PDE10A: variants seen among roughly 807,000 people sequenced by gnomAD.
PDE10A encodes the protein cAMP and cAMP-inhibited cGMP 3',5'-cyclic phosphodiesterase 10A.
PDE10A carries 39 observed loss-of-function variants against 97.7 expected under a neutral mutation model. That is an observed-to-expected ratio of 0.40 (90% CI 0.31 to 0.52). The LOEUF is 0.52. Among genes scored for constraint, PDE10A ranks in the 20% least tolerant of loss-of-function variants. The pLI, the probability that PDE10A is intolerant of heterozygous loss-of-function variation, is 0.56. For missense variants in PDE10A, 731 were observed against 1,047.8 expected, an observed-to-expected ratio of 0.70 and a Z score of 4.17; for synonymous variants, 371 against 376.8, an observed-to-expected ratio of 0.98 and a Z score of 0.18.
intron 1 of PDE10A, among the ~76,000 whole-genome samples, chr6:165,687,348 G>C (rs1303737896): frequency 6.6e-6 from 1 of 152,192 alleles, no homozygotes; most frequent in Admixed American, 6.5e-5. Context: ...AGCTACAGAC[G>C]GTTCCTTAAC....
At chr6:165,505,540 C>G (rs866159443) in intron 2 of PDE10A, among the ~76,000 whole-genome samples, 15 of 152,178 alleles carry the variant, frequency 9.9e-5, no homozygotes, top group Middle Eastern at 3.4e-3. Flanking sequence ...AAATATGCAG[C>G]TAGGTCACTA....
In PDE10A at chr6:165,655,498, C is replaced by T. The variant is rs1340620801; in HGVS notation, c.865+6449G>A. ...ATTCCTCTCTCTCCCTTGACGTCCC[C>T]ATATCCAACCCACCTGCAGGTCTTA... On this transcript the variant is annotated intron_variant, in intron 1 of 21. Transcript: ENST00000539869. The surrounding 1 kb of genome is among the most constrained non-coding windows in gnomAD (Gnocchi z 4.5). Among the ~76,000 whole-genome samples the T allele has an allele frequency of 1.4e-5, 2 of 142,988 alleles. No homozygotes were observed. Among genetic ancestry groups the T allele is most frequent in the Admixed American group, 7.1e-5 (1 of 14,006 alleles). 93.8% of individuals were successfully genotyped at this position (142,988 alleles called of 152,430 possible). A position where few individuals can be genotyped will look rare whatever the true frequency, so the allele number is the denominator to read the frequency against.
At chr6:165,833,522 A>G (rs1779983553) in intron 1 of PDE10A, among the ~76,000 whole-genome samples, 1 of 152,198 alleles carries the variant, frequency 6.6e-6, no homozygotes, top group South Asian at 2.1e-4. Context: ...AAGAAGTGAC[A>G]CCACCTGTGC....
intron 1 of PDE10A, among the ~76,000 whole-genome samples, chr6:165,893,328 T>C (rs1781854226): frequency 6.6e-6 from 1 of 152,226 alleles, no homozygotes; most frequent in Admixed American, 6.5e-5. Context: ...TTGGCTTTCC[T>C]AGAAAAGTTG....
At chr6:165,600,794 A>G (rs1456606660) in intron 1 of PDE10A, among the ~76,000 whole-genome samples, 1 of 152,206 alleles carries the variant, frequency 6.6e-6, no homozygotes, top group Non-Finnish European at 1.5e-5. Context: ...GACCTGAAGG[A>G]CCTGCTAAAC....
intron 2 of PDE10A, among the ~76,000 whole-genome samples, chr6:165,494,109 C>G (rs1432507653): frequency 6.6e-6 from 1 of 151,928 alleles, no homozygotes; most frequent in Admixed American, 6.6e-5. Flanking sequence ...AAATCAAAAC[C>G]ACAATGAGAT....
intron 1 of PDE10A, among the ~76,000 whole-genome samples, chr6:165,583,605 G>A (rs1785736933): frequency 6.6e-6 from 1 of 152,202 alleles, no homozygotes; most frequent in Non-Finnish European, 1.5e-5. Context: ...CCACGATCAT[G>A]GAATTCACTG....
chr6:165,590,181 T>A (rs3008003), intron 1 of PDE10A, among the ~76,000 whole-genome samples: 91,283 of 151,714 alleles, frequency 0.6, 31,868 homozygotes, highest in Non-Finnish European at 0.78. Context: ...GAGGGCAGGT[T>A]ATACTGATTT....
intron 1 of PDE10A, among the ~76,000 whole-genome samples, chr6:165,583,824 GA>G (rs1176389004): frequency 6.6e-6 from 1 of 152,142 alleles, no homozygotes; most frequent in East Asian, 1.9e-4. Context: ...GGGTGGGGAG[GA>G]ATAGGAATGG....
At chr6:165,344,059 G>T (rs1003340166) in intron 18 of PDE10A, among the ~76,000 whole-genome samples, 1 of 152,150 alleles carries the variant, frequency 6.6e-6, no homozygotes, top group Non-Finnish European at 1.5e-5. Flanking sequence ...TCCAAACACT[G>T]TGCTTCTCAT....
At chr6:165,369,881 C>T (rs1182337135) in intron 18 of PDE10A, among the ~76,000 whole-genome samples, 2 of 151,736 alleles carry the variant, frequency 1.3e-5, no homozygotes, top group Admixed American at 6.6e-5. Context: ...GCAAATCTCT[C>T]GGCAGAAACC....
At chr6:165,691,541 T>C (rs1283350645) in intron 1 of PDE10A, among the ~76,000 whole-genome samples, 2 of 151,010 alleles carry the variant, frequency 1.3e-5, no homozygotes, top group African/African-American at 4.9e-5. Flanking sequence ...TCTTCATCAT[T>C]AAGTGATGTG....
chr6:165,704,158 G>A (rs1288971827), intron 1 of PDE10A, among the ~76,000 whole-genome samples: 1 of 152,184 alleles, frequency 6.6e-6, no homozygotes, highest in Non-Finnish European at 1.5e-5. Flanking sequence ...CAGGCTCCGG[G>A]CCAGCAAAAA....
rs572169617 is a variant in PDE10A, at chr6:165,970,849, GA to G, written c.-615+16679del. On this transcript the variant is annotated intron_variant, in intron 1 of 19. Transcript: ENST00000366882. ...AATTGGACCCCATTATTCTGATAAT[GA>G]AAAAAAAATTTTTCAGCCTGGCTCA... is the stretch of plus-strand genomic sequence containing the variant. Among the ~76,000 whole-genome samples, 96 of 151,866 alleles carry G rather than the reference GA, an allele frequency of 6.3e-4. 1 individual carries two copies. The highest frequency in any genetic ancestry group is 4.4e-3 in the South Asian group (21 of 4,808).
At chr6:165,566,219 T>C (rs1784771553) in intron 1 of PDE10A, among the ~76,000 whole-genome samples, 1 of 152,148 alleles carries the variant, frequency 6.6e-6, no homozygotes, top group African/African-American at 2.4e-5. Context: ...CAAAGAACTC[T>C]AAAGCTCATT....
intron 1 of PDE10A, among the ~76,000 whole-genome samples, chr6:165,638,824 A>C (rs1225496330): frequency 6.6e-6 from 1 of 152,224 alleles, no homozygotes; most frequent in Non-Finnish European, 1.5e-5. Context: ...TAACTACTAT[A>C]CTAAGGGAAA....
At chr6:165,394,959 A>G (rs2273404) in intron 15 of PDE10A, among the ~76,000 whole-genome samples, 45,404 of 152,044 alleles carry the variant, frequency 0.3, 7,620 homozygotes, top group Middle Eastern at 0.38. Context: ...TAACCAGGCT[A>G]CAACCATGTT....
intron 3 of PDE10A, among the ~76,000 whole-genome samples, chr6:165,477,636 T>C (rs1228323321): frequency 6.6e-6 from 1 of 152,124 alleles, no homozygotes; most frequent in Non-Finnish European, 1.5e-5. Context: ...ATTTCCACAC[T>C]CAGCATTTCC....
chr6:165,351,456 T>A (rs952332510), intron 18 of PDE10A, among the ~76,000 whole-genome samples: 4 of 152,076 alleles, frequency 2.6e-5, no homozygotes, highest in Admixed American at 2.0e-4. Flanking sequence ...GGACAAAAAA[T>A]GCCAACAATC....
Sources: gnomAD v4.1 joint callset for allele counts (sites outside exome capture counted in the v4.1 genomes callset) on GRCh38, gnomAD v4.1.1 for gene constraint, Gnocchi (gnomAD v3.1) non-coding constraint, MANE v1.5 for transcripts, NCBI Gene and HGNC (gene_info 2026-07-23, HGNC 2026-07-21) for gene names.